The following MYO1E variants were observed in gnomAD, a reference collection of about 807,000 sequenced individuals.
The protein encoded by MYO1E is myosin IE.
MYO1E carries 68 observed loss-of-function variants against 151.1 expected under a neutral mutation model. That is an observed-to-expected ratio of 0.45 (90% confidence interval 0.37 to 0.55). The LOEUF is 0.55. Among genes scored for constraint, MYO1E ranks in the 20% least tolerant of loss-of-function variants. MYO1E has a pLI of 0.00. For synonymous variants in MYO1E, 601 were observed against 501.7 expected (o/e 1.20, Z -2.64); for missense variants, 1,363 against 1,389.3 (o/e 0.98, Z 0.30).
intron 16 of MYO1E, among the ~76,000 whole-genome samples, chr15:59,195,920 T>A (rs2079763730): frequency 6.6e-6 from 1 of 152,246 alleles, no homozygotes; most frequent in South Asian, 2.1e-4. Context: ...CAAACTAAGT[T>A]CATTTTATGC....
chr15:59,335,969 AAAACAAGTC>A (rs1203223608), intron 1 of MYO1E, among the ~76,000 whole-genome samples: 1 of 151,988 alleles, frequency 6.6e-6, no homozygotes, highest in African/African-American at 2.4e-5. Flanking sequence ...GTCACACAAA[AAAACAAGTC>A]CTGCAGCAAC....
intron 1 of MYO1E, among the ~76,000 whole-genome samples, chr15:59,330,041 T>C (rs2080688994): frequency 6.6e-6 from 1 of 152,214 alleles, no homozygotes; most frequent in Admixed American, 6.5e-5. Flanking sequence ...CCAGCTTCAA[T>C]ATTCTGCTTC....
At chr15:59,147,177 GAAAAC>G (rs2079446168) in intron 26 of MYO1E, among the ~76,000 whole-genome samples, 1 of 152,108 alleles carries the variant, frequency 6.6e-6, no homozygotes, top group Non-Finnish European at 1.5e-5. Context: ...AAGCCCACAA[GAAAAC>G]AAAACCCCAA....
At chr15:59,348,193 G>A (rs1373626029) in intron 1 of MYO1E, among the ~76,000 whole-genome samples, 1 of 152,132 alleles carries the variant, frequency 6.6e-6, no homozygotes, top group Non-Finnish European at 1.5e-5. Context: ...CCTTGACAGC[G>A]ATGAAACCCC....
At chr15:59,179,232 C>A (rs1396445736) in intron 18 of MYO1E, among the ~76,000 whole-genome samples, 14 of 152,218 alleles carry the variant, frequency 9.2e-5, no homozygotes, top group Admixed American at 9.2e-4. Context: ...TTCAGTGACA[C>A]TCCCAGACAG....
intron 1 of MYO1E, among the ~76,000 whole-genome samples, chr15:59,303,354 C>CA (rs1401634163): frequency 2.6e-5 from 4 of 151,994 alleles, no homozygotes; most frequent in African/African-American, 9.7e-5. Context: ...GTCGAGGCTG[C>CA]AGTGAGACGG....
At chr15:59,182,957 A>G (rs1262074545) in intron 18 of MYO1E, among the ~76,000 whole-genome samples, 1 of 152,200 alleles carries the variant, frequency 6.6e-6, no homozygotes, top group African/African-American at 2.4e-5. Flanking sequence ...AAAGGAGCGC[A>G]CAAGCTAGAT....
intron 5 of MYO1E, among the ~76,000 whole-genome samples, chr15:59,234,225 GATGGATGGATGGATGGATGGGTGC>G (rs1194847279): frequency 1.1e-4 from 11 of 100,128 alleles, no homozygotes; most frequent in African/African-American, 2.1e-4. Context: ...TGGATGGATG[GATGGATGGATGGATGGATGGGTGC>G]ATGGATGGAT....
intron 1 of MYO1E, among the ~76,000 whole-genome samples, chr15:59,362,463 T>C (rs2080891126): frequency 6.6e-6 from 1 of 152,234 alleles, no homozygotes. Flanking sequence ...GCTTCCAACA[T>C]ATTCTCAGAG....
intron 1 of MYO1E, among the ~76,000 whole-genome samples, chr15:59,276,916 G>A (rs192321256): frequency 6.6e-6 from 1 of 152,284 alleles, no homozygotes; most frequent in Non-Finnish European, 1.5e-5. Context: ...GGGTAGGCCT[G>A]GCCCCACGCG....
chr15:59,196,591 G>A (rs1453041835), intron 16 of MYO1E, among the ~76,000 whole-genome samples: 2 of 152,184 alleles, frequency 1.3e-5, no homozygotes, highest in Non-Finnish European at 2.9e-5. Flanking sequence ...TCTCAATTAG[G>A]ACTTTTCTGT....
intron 6 of MYO1E, among the ~76,000 whole-genome samples, chr15:59,230,042 A>G (rs1381882482): frequency 6.6e-6 from 1 of 152,240 alleles, no homozygotes; most frequent in African/African-American, 2.4e-5. Context: ...AATTTTAATA[A>G]CAATTGCCCA....
At chr15:59,213,503 T>C (rs1055480236) in intron 12 of MYO1E, among the ~76,000 whole-genome samples, 2 of 150,000 alleles carry the variant, frequency 1.3e-5, no homozygotes, top group African/African-American at 4.9e-5. Flanking sequence ...TCTTGCTCTG[T>C]TGCCTAGGAT....
At chr15:59,258,610 T>C (rs998759515) in intron 3 of MYO1E, among the ~76,000 whole-genome samples, 31 of 152,222 alleles carry the variant, frequency 2.0e-4, no homozygotes, top group African/African-American at 7.0e-4. Context: ...CCCAGCACTT[T>C]CTGAGGCAAG....
intron 12 of MYO1E, among the ~76,000 whole-genome samples, chr15:59,211,320 G>GT (rs1413489459): frequency 3.9e-5 from 6 of 152,092 alleles, no homozygotes; most frequent in Non-Finnish European, 5.9e-5. Context: ...CACCATCCTG[G>GT]TTTTTTCCTC....
chr15:59,261,369 G>T, intron 3 of MYO1E, 51 bp downstream of exon 3: 1 of 1,305,706 alleles, frequency 7.7e-7, no homozygotes, highest in Non-Finnish European at 1.1e-6. Flanking sequence ...AACCATGTCT[G>T]CATCATAAAA....
chr15:59,279,869 A>T (rs1464763004), intron 1 of MYO1E, among the ~76,000 whole-genome samples: 1 of 152,222 alleles, frequency 6.6e-6, no homozygotes, highest in East Asian at 1.9e-4. Context: ...ACAAAAATAC[A>T]GTTGTTAAAA....
chr15:59,221,478 A>G (rs551832510), intron 9 of MYO1E, among the ~76,000 whole-genome samples: 2 of 152,306 alleles, frequency 1.3e-5, no homozygotes, highest in South Asian at 4.1e-4. Flanking sequence ...CGAGGGGAAC[A>G]AGTGGACTAG....
At chr15:59,226,732 A>C (rs1043360974) in intron 7 of MYO1E, among the ~76,000 whole-genome samples, 3 of 152,222 alleles carry the variant, frequency 2.0e-5, no homozygotes, top group African/African-American at 7.2e-5. Context: ...ATTTGAGCCC[A>C]GGATGCAGAG....
Sources: gnomAD v4.1 joint callset for allele counts (sites outside exome capture counted in the v4.1 genomes callset) on GRCh38, gnomAD v4.1.1 for gene constraint, MANE v1.5 for transcripts, NCBI Gene and HGNC (gene_info 2026-07-23, HGNC 2026-07-21) for gene names.